Variants in ASB14 observed in about 807,000 individuals in gnomAD.
ASB14 encodes the protein ankyrin repeat and SOCS box containing 14, also known as ankyrin repeat and SOCS box protein 14.
In ASB14, 63 loss-of-function variants were observed where a neutral mutation model predicts 55.6. The ratio of observed to expected loss-of-function variants is 1.13; its 90% CI spans 0.92 to 1.40. The LOEUF (loss-of-function observed/expected upper bound fraction) is 1.40, where lower values mean the gene tolerates loss of function less well. Among genes scored for constraint, ASB14 ranks in the 40% most tolerant of loss-of-function variants. The pLI is 0.00. For synonymous variants in ASB14, 256 were observed against 259.9 expected (o/e 0.98, Z 0.15); for missense variants, 724 against 710.4 (o/e 1.02, Z -0.22).
At chr3:57,275,388 A>G (rs6445867) in intron 10 of ASB14, among the ~76,000 whole-genome samples, 151,052 of 151,080 alleles carry the variant, frequency 1, 75,512 homozygotes, top group Non-Finnish European at 1. Flanking sequence ...GGAGGCAGAG[A>G]TTGCAGTGAG....
At position 57,276,665 on chromosome 3, in the gene ASB14, T is replaced by C. The variant is rs2060989738; in HGVS notation, c.1649A>G (p.His550Arg). 6.2e-7 allele frequency: 1 copy of C among 1,614,050 alleles called. No homozygotes were observed. The highest frequency in any genetic ancestry group is 1.1e-5 in the South Asian group (1 of 91,076). The change falls in exon 10 of 11, where the codon CAT (histidine) becomes CGT (arginine). Residue 550 changes from histidine to arginine, a missense_variant. His to Arg is a conservative substitution (Grantham distance 29). Transcript: ENST00000487349. ...LKIRKCMGRL[H>R]LRCPVFMSFL... ...TGACATGAAGACAGGGCAGCGCAAA[T>C]GTAACCGTCCCATGCATTTCCGGAT...
At chr3:57,269,739 GA>G in intron 10 of ASB14, 121 bp from the exon 11 acceptor site, 1 of 1,576,714 alleles carries the variant, frequency 6.3e-7, no homozygotes, top group East Asian at 2.2e-5. Context: ...TTTCTATGGT[GA>G]AATGGCAGAA....
chr3:57,281,374 T>C (rs1218457896), intron 6 of ASB14, among the ~76,000 whole-genome samples: 1 of 146,328 alleles, frequency 6.8e-6, no homozygotes, highest in African/African-American at 2.5e-5. Flanking sequence ...AGCTGGGAGG[T>C]GAAGGAAGGA....
At chr3:57,280,632 C>T (rs902701870) in intron 6 of ASB14, among the ~76,000 whole-genome samples, 159 bp from the exon 7 acceptor site, 9 of 152,140 alleles carry the variant, frequency 5.9e-5, no homozygotes, top group African/African-American at 2.2e-4. Flanking sequence ...CTCCTGCTCT[C>T]AAGTAACTTA....
In ASB14 at chr3:57,291,681, A is replaced by G. The variant is rs566174816; in HGVS notation, c.122+231T>C. Among the ~76,000 whole-genome samples, 6 of 152,228 alleles carry G rather than the reference A, an allele frequency of 3.9e-5. No individual in the cohort carries two copies. The South Asian group carries it at 8.3e-4, about 21-fold the overall frequency. Reference sequence around the variant, plus strand: ...TCTGATTTCCAGTCTGTATCACCTCACCCAGATTTGCTGCTAACCTCCTTC... The same window carrying G: ...TCTGATTTCCAGTCTGTATCACCTCGCCCAGATTTGCTGCTAACCTCCTTC... On this transcript the variant is annotated intron_variant, in intron 2 of 10. Transcript: ENST00000487349.
intron 5 of ASB14, among the ~76,000 whole-genome samples, chr3:57,284,637 C>T (rs900674893): frequency 6.6e-6 from 1 of 152,222 alleles, no homozygotes; most frequent in African/African-American, 2.4e-5. Context: ...ACTAGCTCTA[C>T]CGTTGTTACA....
intron 9 of ASB14, 126 bp downstream of exon 9, chr3:57,277,635 GATAGGA>G: frequency 1.3e-6 from 1 of 777,672 alleles, no homozygotes. Flanking sequence ...CATTTTTAAA[GATAGGA>G]ATAGTATTTT....
intron 7 of ASB14, among the ~76,000 whole-genome samples, chr3:57,279,258 GTTTTTC>G (rs1559521417): frequency 9.2e-6 from 1 of 109,060 alleles, no homozygotes; most frequent in Non-Finnish European, 1.8e-5. Flanking sequence ...TTGGTCAAGA[GTTTTTC>G]TTTTTTTTTT....
intron 3 of ASB14, among the ~76,000 whole-genome samples, chr3:57,288,738 G>C (rs13090171): frequency 8.5e-6 from 1 of 116,966 alleles, no homozygotes; most frequent in Non-Finnish European, 1.7e-5. Context: ...TTTGTGAGAC[G>C]GAGTCTCGCT....
intron 2 of ASB14, 125 bp from the exon 3 acceptor site, chr3:57,289,248 A>G (rs1297488086): frequency 3.1e-6 from 2 of 653,924 alleles, no homozygotes; most frequent in East Asian, 5.7e-5. Context: ...ATAGGAGGCA[A>G]TGACTGAGGC....
intron 9 of ASB14, among the ~76,000 whole-genome samples, chr3:57,277,160 G>A (rs577139658): frequency 8.6e-5 from 13 of 151,842 alleles, no homozygotes; most frequent in South Asian, 4.2e-4. Context: ...TCAGCTACTC[G>A]TGAGACTGAG....
In ASB14 at chr3:57,277,985, T is replaced by C; in HGVS notation, c.1432-65A>G. ...AACACAAAGTATCTATGGTTTAGCATAGTAGTCAAAGGAGATGTGGTGTGA... is the reference window on the plus strand; with the variant it reads ...AACACAAAGTATCTATGGTTTAGCACAGTAGTCAAAGGAGATGTGGTGTGA... On this transcript the variant is annotated intron_variant, in intron 8 of 10. Transcript: ENST00000487349. 4 of 1,452,668 alleles carry C rather than the reference T, an allele frequency of 2.8e-6. No individual in the cohort carries two copies. In the South Asian group the frequency reaches 3.9e-5, roughly 14 times the overall value. 90.0% of individuals were successfully genotyped at this position (1,452,668 alleles called of 1,614,324 possible). A position where few individuals can be genotyped will look rare whatever the true frequency, so the allele number is the denominator to read the frequency against.
chr3:57,283,074 A>C, intron 6 of ASB14, 120 bp downstream of exon 6: 1 of 1,351,206 alleles, frequency 7.4e-7, no homozygotes, highest in East Asian at 2.5e-5. Context: ...CATAATTTTT[A>C]TCAAACATTT....
At chr3:57,287,156 G>A (rs1013311708) in intron 5 of ASB14, among the ~76,000 whole-genome samples, 4 of 152,108 alleles carry the variant, frequency 2.6e-5, no homozygotes, top group Admixed American at 2.6e-4. Context: ...ATAGCCTTTG[G>A]CTATTTGCTC....
chr3:57,276,501 T>A, intron 10 of ASB14, 27 bp downstream of exon 10: 1 of 1,497,632 alleles, frequency 6.7e-7, no homozygotes, highest in East Asian at 2.3e-5. Flanking sequence ...AAGTGAAATT[T>A]TAAGGAATAC....
At chr3:57,282,487 G>A (rs554396991) in intron 6 of ASB14, among the ~76,000 whole-genome samples, 1 of 152,248 alleles carries the variant, frequency 6.6e-6, no homozygotes, top group African/African-American at 2.4e-5. Context: ...TGAGCCAAGG[G>A]TCCCTGCTAG....
At chr3:57,281,327 G>A (rs1007457807) in intron 6 of ASB14, among the ~76,000 whole-genome samples, 1 of 143,850 alleles carries the variant, frequency 7.0e-6, no homozygotes, top group Non-Finnish European at 1.6e-5. Flanking sequence ...AGAAGATCTA[G>A]GGCTGGGGTT....
chr3:57,269,729 TTTC>T (rs1257893389), intron 10 of ASB14, 111 bp from the exon 11 acceptor site: 6 of 1,599,710 alleles, frequency 3.8e-6, no homozygotes, highest in Non-Finnish European at 5.1e-6. Flanking sequence ...AATTTGACAG[TTTC>T]TATGGTGAAA....
chr3:57,276,626 G>A lies in ASB14; in HGVS notation c.1688C>T (p.Pro563Leu), dbSNP rs1421166535. The A allele has an allele frequency of 1.2e-6, 2 of 1,613,748 alleles. No homozygotes were observed. Among genetic ancestry groups the A allele is most frequent in the African/African-American group, 1.3e-5 (1 of 75,016 alleles). ...CPVFMSFLPLPNRLKAYVLYK... is the reference protein window; with the variant it reads ...CPVFMSFLPLLNRLKAYVLYK... ...AAGGACATATGCTTTTAGACGATTG[G>A]GTAATGGAAGAAATGACATGAAGAC... The change falls in exon 10 of 11, where the codon CCC (proline) becomes CTC (leucine). Residue 563 changes from proline to leucine, a missense_variant. By Grantham distance (98) the Pro-to-Leu change is moderately conservative. Transcript: ENST00000487349.
Sources: gnomAD v4.1 joint callset for allele counts (sites outside exome capture counted in the v4.1 genomes callset) on GRCh38, gnomAD v4.1.1 for gene constraint, MANE v1.5 for transcripts, NCBI Gene and HGNC (gene_info 2026-07-23, HGNC 2026-07-21) for gene names.